Variants in CHST11 observed in about 807,000 individuals in gnomAD.
CHST11 encodes carbohydrate sulfotransferase 11, also known as C4S-1.
A neutral mutation model predicts 30.4 loss-of-function variants in CHST11; 9 were observed. That is an observed-to-expected ratio of 0.30 (90% CI 0.18 to 0.52). The LOEUF is 0.52. Ranked by LOEUF, CHST11 falls within the 20% of genes least tolerant of loss-of-function variation. The pLI is 0.97. For missense variants in CHST11, 348 were observed against 460.6 expected (o/e 0.76, Z 2.24); for synonymous variants, 152 against 187.8 (o/e 0.81, Z 1.56).
intron 2 of CHST11, among the ~76,000 whole-genome samples, chr12:104,643,664 C>A (rs1382137429): frequency 4.6e-5 from 7 of 151,214 alleles, no homozygotes; most frequent in Non-Finnish European, 8.8e-5. Flanking sequence ...ACACAAAGTT[C>A]TCATGACTTT....
intron 2 of CHST11, among the ~76,000 whole-genome samples, chr12:104,608,072 G>C (rs1421664923): frequency 6.6e-6 from 1 of 152,104 alleles, no homozygotes; most frequent in East Asian, 1.9e-4. Context: ...TGGCGATTCT[G>C]ATTTTATTGG....
chr12:104,693,068 G>A (rs1267179743), intron 2 of CHST11, among the ~76,000 whole-genome samples: 1 of 152,046 alleles, frequency 6.6e-6, no homozygotes. Flanking sequence ...TGACTGTCTT[G>A]CTGCATCCTC....
chr12:104,650,190 G>C (rs1179793854), intron 2 of CHST11, among the ~76,000 whole-genome samples: 1 of 152,158 alleles, frequency 6.6e-6, no homozygotes, highest in African/African-American at 2.4e-5. Flanking sequence ...AACTTCTCTG[G>C]TCTATATCCT....
chr12:104,541,128 T>TCA (rs1337626764), intron 1 of CHST11, among the ~76,000 whole-genome samples: 15 of 140,908 alleles, frequency 1.1e-4, no homozygotes, highest in African/African-American at 3.6e-4. Context: ...TCTCTCTCTC[T>TCA]CTCACACACA....
At position 104,611,014 on chromosome 12, in the gene CHST11, G is replaced by A. The variant is rs116170594; in HGVS notation, c.204+9023G>A. ...GCATGCAAGAAACCTCCTCCAGGAA[G>A]CTCTGATTTTTTTCTTTCCCCTCCA... On this transcript the variant is annotated intron_variant, in intron 2 of 2. Transcript: ENST00000303694. Among the ~76,000 whole-genome samples the A allele has an allele frequency of 7.0e-3, 1,063 of 152,282 alleles. 15 individuals are homozygous for A. Among genetic ancestry groups the A allele is most frequent in the African/African-American group, 0.024 (1,014 of 41,536 alleles).
At chr12:104,741,355 C>T (rs73392346) in intron 2 of CHST11, among the ~76,000 whole-genome samples, 5,686 of 152,254 alleles carry the variant, frequency 0.037, 368 homozygotes, top group African/African-American at 0.13. Context: ...GGGGGAGGAC[C>T]AGCCTTCCTC....
At chr12:104,467,106 A>G (rs540961129) in intron 1 of CHST11, among the ~76,000 whole-genome samples, 1 of 152,330 alleles carries the variant, frequency 6.6e-6, no homozygotes, top group Non-Finnish European at 1.5e-5. Context: ...AAATTTACTT[A>G]TGATTCAGTT....
chr12:104,690,653 C>G (rs2039889008), intron 2 of CHST11, among the ~76,000 whole-genome samples: 1 of 152,136 alleles, frequency 6.6e-6, no homozygotes, highest in Non-Finnish European at 1.5e-5. Context: ...TGGTGAAACC[C>G]CATCTCTACA....
chr12:104,731,704 G>A (rs2136132965), intron 2 of CHST11, among the ~76,000 whole-genome samples: 1 of 152,374 alleles, frequency 6.6e-6, no homozygotes, highest in East Asian at 1.9e-4. Flanking sequence ...GGGTTGAAAG[G>A]ATTCGGGGTA....
At chr12:104,726,656 G>C (rs312153) in intron 2 of CHST11, among the ~76,000 whole-genome samples, 52,959 of 151,906 alleles carry the variant, frequency 0.35, 9,520 homozygotes, top group South Asian at 0.54. Flanking sequence ...GGGCCAGGCT[G>C]GTCTATAGGT....
chr12:104,509,872 A>T (rs151172745), intron 1 of CHST11, among the ~76,000 whole-genome samples: 1 of 152,342 alleles, frequency 6.6e-6, no homozygotes, highest in East Asian at 1.9e-4. Context: ...CACAAGAAAA[A>T]CTTAATTTCC....
intron 2 of CHST11, among the ~76,000 whole-genome samples, chr12:104,633,699 G>A (rs1478153903): frequency 6.6e-6 from 1 of 151,944 alleles, no homozygotes; most frequent in Non-Finnish European, 1.5e-5. Flanking sequence ...ACAGGCATGA[G>A]CCACACCGTG....
intron 1 of CHST11, among the ~76,000 whole-genome samples, chr12:104,535,988 A>T (rs1038388302): frequency 6.6e-6 from 1 of 152,220 alleles, no homozygotes; most frequent in South Asian, 2.1e-4. Context: ...GCTGTTTTCA[A>T]TGGTGCATCA....
intron 2 of CHST11, among the ~76,000 whole-genome samples, chr12:104,639,806 C>T (rs1207815401): frequency 6.6e-6 from 1 of 152,040 alleles, no homozygotes; most frequent in Non-Finnish European, 1.5e-5. Flanking sequence ...GTGGTCTCAA[C>T]CAGCTTGTGT....
At chr12:104,741,287 C>T (rs1236236743) in intron 2 of CHST11, among the ~76,000 whole-genome samples, 1 of 152,134 alleles carries the variant, frequency 6.6e-6, no homozygotes, top group Non-Finnish European at 1.5e-5. Flanking sequence ...GTCTTCCAGG[C>T]AGGGGTAGGA....
At chr12:104,520,942 T>A (rs975661202) in intron 1 of CHST11, among the ~76,000 whole-genome samples, 1 of 152,216 alleles carries the variant, frequency 6.6e-6, no homozygotes, top group Non-Finnish European at 1.5e-5. Context: ...TGGGAAAGAA[T>A]AGAACATATT....
At chr12:104,604,329 G>A (rs770929870) in intron 2 of CHST11, among the ~76,000 whole-genome samples, 1 of 152,190 alleles carries the variant, frequency 6.6e-6, no homozygotes, top group Non-Finnish European at 1.5e-5. Flanking sequence ...CCTCAAGGAC[G>A]TCTTGGGCAA....
chr12:104,504,470 G>T (rs879809870), intron 1 of CHST11, among the ~76,000 whole-genome samples: 1 of 152,240 alleles, frequency 6.6e-6, no homozygotes, highest in Non-Finnish European at 1.5e-5. Context: ...GGGCTAGATG[G>T]CTGCCCTGGG....
intron 2 of CHST11, among the ~76,000 whole-genome samples, chr12:104,750,236 G>C (rs1349309497): frequency 6.6e-6 from 1 of 151,818 alleles, no homozygotes; most frequent in Admixed American, 6.6e-5. Context: ...TAAGGAAACC[G>C]AGTCCTCATG....
Sources: allele counts gnomAD v4.1 joint callset (sites outside exome capture counted in the v4.1 genomes callset), GRCh38; gene constraint gnomAD v4.1.1; transcripts MANE v1.5; gene names NCBI Gene and HGNC (gene_info 2026-07-23, HGNC 2026-07-21).